The following SNTG2 variants were observed in gnomAD, a reference collection of about 807,000 sequenced individuals.
The protein encoded by SNTG2 is gamma-2-syntrophin.
In SNTG2, 74 loss-of-function variants were observed where a neutral mutation model predicts 70.9. The ratio of observed to expected loss-of-function variants is 1.04; its 90% CI spans 0.86 to 1.27. The LOEUF (loss-of-function observed/expected upper bound fraction) is 1.27. Among genes scored for constraint, SNTG2 ranks in the 50% most tolerant of loss-of-function variants. The probability of loss-of-function intolerance (pLI) is 0.00; values close to 1 mark genes in which losing one functional copy is unlikely to be tolerated. For missense variants in SNTG2, 717 were observed against 690.7 expected (o/e 1.04, Z -0.43); for synonymous variants, 278 against 273.8 (o/e 1.02, Z -0.15).
At chr2:1,065,435 C>G (rs1241075694) in intron 1 of SNTG2, among the ~76,000 whole-genome samples, 1 of 152,082 alleles carries the variant, frequency 6.6e-6, no homozygotes, top group Non-Finnish European at 1.5e-5. Context: ...CCAAACCTAC[C>G]CCAGCACACC....
At chr2:1,076,152 A>G (rs984892811) in intron 1 of SNTG2, among the ~76,000 whole-genome samples, 1 of 152,224 alleles carries the variant, frequency 6.6e-6, no homozygotes, top group African/African-American at 2.4e-5. Flanking sequence ...ATTTCCATAC[A>G]ACCTTCAATC....
At chr2:988,473 A>G (rs1052329189) in intron 1 of SNTG2, among the ~76,000 whole-genome samples, 11 of 152,250 alleles carry the variant, frequency 7.2e-5, no homozygotes, top group Admixed American at 2.0e-4. Flanking sequence ...TCTTTGGCTT[A>G]TCGCAATGCT....
chr2:1,098,935 A>T (rs1665575522), intron 4 of SNTG2, among the ~76,000 whole-genome samples: 1 of 152,246 alleles, frequency 6.6e-6, no homozygotes, highest in Non-Finnish European at 1.5e-5. Flanking sequence ...CTATGGGAAT[A>T]ATCACAAGAA....
At chr2:1,025,074 T>C (rs543482275) in intron 1 of SNTG2, among the ~76,000 whole-genome samples, 4 of 152,328 alleles carry the variant, frequency 2.6e-5, no homozygotes, top group Non-Finnish European at 5.9e-5. Context: ...AATCAAACTA[T>C]GTTCCCCACC....
At chr2:1,083,412 C>A in intron 1 of SNTG2, 106 bp from the exon 2 acceptor site, 1 of 1,155,100 alleles carries the variant, frequency 8.7e-7, no homozygotes, top group Non-Finnish European at 1.3e-6. Flanking sequence ...GCGAGCACTA[C>A]ACGTGCATTT....
At chr2:1,102,787 T>A (rs1166299065) in intron 4 of SNTG2, 1 of 152,218 alleles carries the variant, frequency 6.6e-6, no homozygotes, top group Non-Finnish European at 1.5e-5. Flanking sequence ...TTGCTGTAGG[T>A]GGAGAGGAGA....
At chr2:1,257,831 C>G (rs1000182704) in intron 12 of SNTG2, among the ~76,000 whole-genome samples, 2 of 152,168 alleles carry the variant, frequency 1.3e-5, no homozygotes, top group African/African-American at 4.8e-5. Context: ...CATTTAATGA[C>G]ATGGGAAAAT....
chr2:1,258,605 C>T (rs926180263), intron 12 of SNTG2, among the ~76,000 whole-genome samples: 6 of 152,086 alleles, frequency 3.9e-5, no homozygotes, highest in African/African-American at 1.4e-4. Flanking sequence ...GACATAATTC[C>T]GTGCACTTTG....
In SNTG2 at chr2:1,151,177, T is replaced by A. The variant is rs1669461752; in HGVS notation, c.411+13368T>A. ...TGCACAGTTACTGTTCCTTCAATTG[T>A]TCTCATATTGTGGAAATGAGCTCTG... On this transcript the variant is annotated intron_variant, in intron 6 of 16. Transcript: ENST00000308624. Among the ~76,000 whole-genome samples, 3 of 36,446 alleles carry A rather than the reference T, an allele frequency of 8.2e-5. No homozygotes were observed. The South Asian group carries it at 2.4e-3, about 29-fold the overall frequency. 23.9% of individuals were successfully genotyped at this position (36,446 alleles called of 152,430 possible). A position where few individuals can be genotyped will look rare whatever the true frequency, so the allele number is the denominator to read the frequency against.
chr2:1,348,475 C>G (rs145491901), intron 16 of SNTG2, among the ~76,000 whole-genome samples: 1 of 152,230 alleles, frequency 6.6e-6, no homozygotes, highest in Non-Finnish European at 1.5e-5. Flanking sequence ...TCTCCACAAT[C>G]CTTTATCTTA....
At chr2:1,137,949 A>G (rs551261770) in intron 6 of SNTG2, 140 bp downstream of exon 6, 4 of 888,900 alleles carry the variant, frequency 4.5e-6, no homozygotes, top group African/African-American at 3.3e-5. Context: ...TTAGTAAATC[A>G]TGTTACAAAA....
In SNTG2 at chr2:1,227,890, C is replaced by T. The variant is rs188939884; in HGVS notation, c.720-9998C>T. 5.3e-4 allele frequency among the ~76,000 whole-genome samples: 80 copies of T among 152,308 alleles called. 1 individual carries two copies. In the East Asian group the frequency reaches 8.7e-3, roughly 17 times the overall value. On this transcript the variant is annotated intron_variant, in intron 9 of 16. Coordinates refer to ENST00000308624, the MANE Select transcript of SNTG2 (RefSeq NM_018968.4). The stretch of plus-strand genomic sequence containing the variant: ...TGCTGCATTCTGTGGCACCAAACAC[C>T]GCTCTGCTGGGCAGGTCGGACTCCA...
At chr2:1,012,453 G>A (rs1477405247) in intron 1 of SNTG2, among the ~76,000 whole-genome samples, 4 of 152,188 alleles carry the variant, frequency 2.6e-5, no homozygotes, top group African/African-American at 4.8e-5. Context: ...AGGCTTAATC[G>A]ATAGTCACAC....
intron 1 of SNTG2, among the ~76,000 whole-genome samples, chr2:1,080,572 GTGTT>G (rs945676149): frequency 4.8e-4 from 72 of 151,570 alleles, no homozygotes; most frequent in African/African-American, 1.5e-3. Context: ...GTGTGCATGA[GTGTT>G]TGGGCATGTG....
At chr2:1,313,032 G>A (rs1335355790) in intron 15 of SNTG2, among the ~76,000 whole-genome samples, 2 of 152,138 alleles carry the variant, frequency 1.3e-5, no homozygotes, top group Admixed American at 1.3e-4. Flanking sequence ...GGTACTGCCT[G>A]TGGCATCTCC....
At chr2:1,138,964 T>G (rs1668575358) in intron 6 of SNTG2, among the ~76,000 whole-genome samples, 1 of 152,192 alleles carries the variant, frequency 6.6e-6, no homozygotes, top group Admixed American at 6.5e-5. Context: ...CACTCAGAAT[T>G]CATCTGTGTC....
chr2:1,328,982 C>T lies in SNTG2; in HGVS notation c.1488+12607C>T, dbSNP rs1007164761. ...GCACATACACAGACACATTTACACA[C>T]CCACACACTTAATACTAGCTTTAAT... On this transcript the variant is annotated intron_variant, in intron 16 of 16. Transcript: ENST00000308624. Among the ~76,000 whole-genome samples the T allele has an allele frequency of 2.0e-5, 3 of 152,126 alleles. No individual in the cohort carries two copies. The South Asian group carries it at 6.2e-4, about 32-fold the overall frequency.
At chr2:1,082,324 A>G (rs1393623189) in intron 1 of SNTG2, among the ~76,000 whole-genome samples, 1 of 152,102 alleles carries the variant, frequency 6.6e-6, no homozygotes, top group Non-Finnish European at 1.5e-5. Flanking sequence ...CTCAGCCTGG[A>G]TCTTACCTGA....
chr2:1,267,704 T>C (rs1678821277), intron 14 of SNTG2, 133 bp downstream of exon 14: 8 of 839,166 alleles, frequency 9.5e-6, no homozygotes, highest in Non-Finnish European at 1.3e-5. Context: ...CCGGAGCTAC[T>C]GTGTGGAAAT....
Sources: gnomAD v4.1 joint callset for allele counts (sites outside exome capture counted in the v4.1 genomes callset) on GRCh38, gnomAD v4.1.1 for gene constraint, MANE v1.5 for transcripts, NCBI Gene and HGNC (gene_info 2026-07-23, HGNC 2026-07-21) for gene names.